SPIDR: variants seen among roughly 807,000 people sequenced by gnomAD.
SPIDR encodes scaffold protein involved in DNA repair, also known as DNA repair-scaffolding protein.
Under a neutral mutation model 104.6 loss-of-function variants are expected in SPIDR, and 93 were observed. The observed-to-expected ratio is 0.89, with a 90% CI of 0.75 to 1.06. The LOEUF (loss-of-function observed/expected upper bound fraction) is 1.06, where lower values mean the gene tolerates loss of function less well. Among genes scored for constraint, SPIDR ranks in the 50% least tolerant of loss-of-function variants. The probability of loss-of-function intolerance (pLI) is 0.00; values close to 1 mark genes in which losing one functional copy is unlikely to be tolerated. For missense variants in SPIDR, 1,154 were observed against 1,111.2 expected (o/e 1.04, Z -0.55); for synonymous variants, 431 against 416.9 (o/e 1.03, Z -0.41).
intron 1 of SPIDR, among the ~76,000 whole-genome samples, chr8:47,273,606 T>G (rs1248573188): frequency 6.6e-6 from 1 of 152,014 alleles, no homozygotes; most frequent in Non-Finnish European, 1.5e-5. Context: ...GTTCATTTTT[T>G]TTTTTGAGAT....
chr8:47,500,953 A>G (rs2080310958), intron 8 of SPIDR, among the ~76,000 whole-genome samples: 1 of 152,222 alleles, frequency 6.6e-6, no homozygotes, highest in Non-Finnish European at 1.5e-5. Flanking sequence ...TGATGGTTGT[A>G]GATATGCGGC....
chr8:47,607,507 T>C (rs1393223855), intron 10 of SPIDR, among the ~76,000 whole-genome samples: 4 of 152,068 alleles, frequency 2.6e-5, no homozygotes, highest in African/African-American at 9.7e-5. Flanking sequence ...ATGGATGTGA[T>C]GATTAGGGGC....
chr8:47,370,321 A>G lies in SPIDR; in HGVS notation c.526-26055A>G, dbSNP rs568929151. Among the ~76,000 whole-genome samples the G allele has an allele frequency of 2.2e-4, 34 of 152,170 alleles. No individual in the cohort carries two copies. In the South Asian group the frequency reaches 5.0e-3, roughly 22 times the overall value. On this transcript the variant is annotated intron_variant, in intron 5 of 19. Transcript: ENST00000297423. ...CTCTGTGTTGCTATTCATATAGAGC[A>G]GTTGTCTCTAGGGCTCCCAACACAT...
At position 47,313,821 on chromosome 8, in the gene SPIDR, C is replaced by G. The variant is rs191302622; in HGVS notation, c.525+19791C>G. 2.7e-3 allele frequency among the ~76,000 whole-genome samples: 418 copies of G among 152,316 alleles called. 1 individual carries two copies. Among genetic ancestry groups the G allele is most frequent in the African/African-American group, 9.8e-3 (408 of 41,568 alleles). On this transcript the variant is annotated intron_variant, in intron 5 of 19. Coordinates refer to ENST00000297423, the MANE Select transcript of SPIDR (RefSeq NM_001080394.4). ...TCTTATCAGAAATAATGCAGGCCAG[C>G]AGGCTATAAACACCTTTAAAGTACT...
In SPIDR at chr8:47,389,763, G is replaced by A. The variant is rs557618649; in HGVS notation, c.526-6613G>A. Reference sequence around the variant, plus strand: ...AAGTACATTGGGTCACCATGTGGCAGCAGTAGGCAACCTATCAGGAATAAC... The same window carrying A: ...AAGTACATTGGGTCACCATGTGGCAACAGTAGGCAACCTATCAGGAATAAC... On this transcript the variant is annotated intron_variant, in intron 5 of 19. Coordinates refer to ENST00000297423, the MANE Select transcript of SPIDR (RefSeq NM_001080394.4). Among the ~76,000 whole-genome samples the A allele has an allele frequency of 2.8e-3, 417 of 151,508 alleles. 3 individuals are homozygous for A. Among genetic ancestry groups the A allele is most frequent in the African/African-American group, 9.9e-3 (407 of 41,146 alleles).
intron 19 of SPIDR, chr8:47,732,521 T>G: frequency 3.2e-6 from 1 of 316,348 alleles, no homozygotes; most frequent in East Asian, 7.0e-5. Context: ...GTGGGGTAAG[T>G]TCCAAGCCTG....
At chr8:47,338,648 T>C (rs77194085) in intron 5 of SPIDR, among the ~76,000 whole-genome samples, 2,767 of 152,340 alleles carry the variant, frequency 0.018, 90 homozygotes, top group African/African-American at 0.063. Flanking sequence ...TGTGCATGAT[T>C]GAACAATAAA....
intron 16 of SPIDR, among the ~76,000 whole-genome samples, chr8:47,714,259 C>T (rs192502325): frequency 6.6e-6 from 1 of 152,170 alleles, no homozygotes; most frequent in Admixed American, 6.5e-5. Context: ...TTAGGGAAAT[C>T]GGCAGGTTGA....
intron 8 of SPIDR, among the ~76,000 whole-genome samples, chr8:47,487,427 T>C (rs1179905874): frequency 6.6e-6 from 1 of 152,114 alleles, no homozygotes; most frequent in Non-Finnish European, 1.5e-5. Context: ...CACCCCACTG[T>C]CAACATTAGA....
chr8:47,450,401 A>T (rs1232556956), intron 8 of SPIDR, among the ~76,000 whole-genome samples: 2 of 152,158 alleles, frequency 1.3e-5, no homozygotes, highest in Admixed American at 6.5e-5. Flanking sequence ...TAGCACCCTC[A>T]TAATTTATTA....
At chr8:47,583,981 T>C (rs2060009506) in intron 8 of SPIDR, among the ~76,000 whole-genome samples, 1 of 152,196 alleles carries the variant, frequency 6.6e-6, no homozygotes, top group South Asian at 2.1e-4. Flanking sequence ...TGTCACCGTG[T>C]CCGCTGTGTC....
intron 10 of SPIDR, among the ~76,000 whole-genome samples, chr8:47,608,201 A>C (rs1162428967): frequency 6.6e-6 from 1 of 152,212 alleles, no homozygotes; most frequent in East Asian, 1.9e-4. Context: ...AAAATCACAA[A>C]TCTTTCGTGA....
At chr8:47,619,591 T>C (rs1423058484) in intron 10 of SPIDR, among the ~76,000 whole-genome samples, 1 of 151,404 alleles carries the variant, frequency 6.6e-6, no homozygotes, top group African/African-American at 2.4e-5. Context: ...TACATGATAC[T>C]CTGAATATGC....
At chr8:47,304,869 C>T (rs1327505533) in intron 5 of SPIDR, among the ~76,000 whole-genome samples, 1 of 152,208 alleles carries the variant, frequency 6.6e-6, no homozygotes, top group African/African-American at 2.4e-5. Flanking sequence ...GCCTTGCCCT[C>T]ATGAATAGAT....
At chr8:47,524,511 G>A (rs556034432) in intron 8 of SPIDR, among the ~76,000 whole-genome samples, 51 of 152,240 alleles carry the variant, frequency 3.3e-4, no homozygotes, top group African/African-American at 1.2e-3. Context: ...GACCACCCCC[G>A]AGGAACTGCA....
chr8:47,458,768 G>A (rs2073444721), intron 8 of SPIDR, among the ~76,000 whole-genome samples: 1 of 152,078 alleles, frequency 6.6e-6, no homozygotes, highest in African/African-American at 2.4e-5. Context: ...TATGTTGGCT[G>A]TGGGTTTATT....
chr8:47,712,654 A>C lies in SPIDR; in HGVS notation c.1978-8A>C, dbSNP rs73677546. On this transcript the variant is annotated splice_region_variant and splice_polypyrimidine_tract_variant and intron_variant, in intron 14 of 19. Coordinates refer to ENST00000297423, the MANE Select transcript of SPIDR (RefSeq NM_001080394.4). ...ATAATTAATCTTTATTGTGTCTTCA[A>C]ATTGTAGCTGAAGAGTCTGCTGCTT... 3.6e-4 allele frequency: 581 copies of C among 1,611,486 alleles called. 4 individuals carry two copies. In the African/African-American group the frequency reaches 7.0e-3, roughly 19 times the overall value.
At chr8:47,467,723 A>G (rs782399492) in intron 8 of SPIDR, among the ~76,000 whole-genome samples, 13 of 152,186 alleles carry the variant, frequency 8.5e-5, no homozygotes, top group Admixed American at 1.3e-4. Context: ...AAGAAGAGCC[A>G]TGTATAAAAA....
chr8:47,627,938 C>G (rs931278206), intron 10 of SPIDR, among the ~76,000 whole-genome samples: 14 of 152,194 alleles, frequency 9.2e-5, no homozygotes, highest in Non-Finnish European at 2.9e-5. Context: ...TGGTAGTGCA[C>G]AGGTCTCTTA....
Sources: allele counts gnomAD v4.1 joint callset (sites outside exome capture counted in the v4.1 genomes callset), GRCh38; gene constraint gnomAD v4.1.1; transcripts MANE v1.5; gene names NCBI Gene and HGNC (gene_info 2026-07-23, HGNC 2026-07-21).